Variants in TRIM31 observed in about 807,000 individuals in gnomAD.
TRIM31 encodes tripartite motif containing 31.
Under a neutral mutation model 40.6 loss-of-function variants are expected in TRIM31, and 31 were observed. The ratio of observed to expected loss-of-function variants is 0.76; its 90% CI spans 0.57 to 1.03. The LOEUF (loss-of-function observed/expected upper bound fraction) is 1.03. TRIM31 is among the 50% of genes least tolerant of loss of function. The pLI, the probability that TRIM31 is intolerant of heterozygous loss-of-function variation, is 0.00. For synonymous variants in TRIM31, 164 were observed against 193.9 expected (o/e 0.85, Z 1.28); for missense variants, 455 against 497.5 (o/e 0.91, Z 0.81).
At chr6:30,107,756 C>G in intron 6 of TRIM31, 1 of 279,588 alleles carries the variant, frequency 3.6e-6, no homozygotes, top group Non-Finnish European at 6.8e-6. Flanking sequence ...CAACTCATCA[C>G]CAACTTCCCA....
Sources: allele counts gnomAD v4.1 joint callset, GRCh38; gene constraint gnomAD v4.1.1; transcripts MANE v1.5; gene names NCBI Gene and HGNC (gene_info 2026-07-23, HGNC 2026-07-21).